UGT1A7: variants seen among roughly 807,000 people sequenced by gnomAD.
The protein encoded by UGT1A7 is UDP-glucuronosyltransferase 1A7.
In UGT1A7, 33 loss-of-function variants were observed where a neutral mutation model predicts 45.6. The observed-to-expected ratio is 0.72, with a 90% CI of 0.55 to 0.97. The LOEUF (loss-of-function observed/expected upper bound fraction) is 0.97, where lower values mean the gene tolerates loss of function less well. Among genes scored for constraint, UGT1A7 ranks in the 50% least tolerant of loss-of-function variants. The pLI, the probability that UGT1A7 is intolerant of heterozygous loss-of-function variation, is 0.00. For synonymous variants in UGT1A7, 274 were observed against 250.6 expected (o/e 1.09, Z -0.88); for missense variants, 684 against 666.2 (o/e 1.03, Z -0.29).
chr2:233,682,383 CT>C lies in UGT1A7; in HGVS notation c.450del (p.Phe150LeufsTer6), dbSNP rs1559339628. 6.2e-7 allele frequency: 1 copy of C among 1,613,858 alleles called. No homozygotes were observed. Among genetic ancestry groups the C allele is most frequent in the Non-Finnish European group, 8.5e-7 (1 of 1,179,888 alleles). On this transcript the variant is annotated frameshift_variant, in exon 1 of 5. Transcript: ENST00000373426. LOFTEE classifies it high-confidence loss of function. Reference sequence around the variant, plus strand: ...TGTTTTGATGCAGTGTTTCTCGATCCTTTTGATGCCTGTGGCTTAATTGTTG... The same window carrying C: ...TGTTTTGATGCAGTGTTTCTCGATCCTTTGATGCCTGTGGCTTAATTGTTG... ...ESCFDAVFLD[P>X]FDACGLIVAK... is the part of the protein sequence containing the mutation.
chr2:233,736,518 C>G (rs567664154), intron 1 of UGT1A7, among the ~76,000 whole-genome samples: 1 of 152,188 alleles, frequency 6.6e-6, no homozygotes, highest in Admixed American at 6.5e-5. Context: ...TCTGTCAACT[C>G]GTCAAAGTCA....
intron 1 of UGT1A7, among the ~76,000 whole-genome samples, chr2:233,683,754 T>C (rs955465237): frequency 2.6e-5 from 4 of 152,212 alleles, no homozygotes; most frequent in African/African-American, 9.6e-5. Context: ...GAATTCACTA[T>C]GCATAATTAA....
intron 1 of UGT1A7, among the ~76,000 whole-genome samples, chr2:233,710,292 TGTTGG>T (rs2076124594): frequency 6.6e-6 from 1 of 152,204 alleles, no homozygotes; most frequent in African/African-American, 2.4e-5. Context: ...AAAGTGGGAT[TGTTGG>T]GTTGCATGGT....
At chr2:233,727,339 C>T (rs2077606972) in intron 1 of UGT1A7, among the ~76,000 whole-genome samples, 2 of 152,160 alleles carry the variant, frequency 1.3e-5, no homozygotes, top group Admixed American at 6.5e-5. Flanking sequence ...TCCTCCCTCC[C>T]CATAGTTCTG....
At chr2:233,729,792 C>T (rs370250320) in intron 1 of UGT1A7, 17 of 1,613,864 alleles carry the variant, frequency 1.1e-5, no homozygotes, top group Non-Finnish European at 1.3e-5. Flanking sequence ...CCCTGTCCTA[C>T]ATTTGCCATG....
intron 1 of UGT1A7, chr2:233,690,406 A>G (rs1332144617): frequency 5.9e-6 from 7 of 1,193,304 alleles, no homozygotes; most frequent in Non-Finnish European, 7.7e-6. Flanking sequence ...TATTCCCAAC[A>G]TGAAATTACC....
At chr2:233,718,697 C>T (rs2125661774) in intron 1 of UGT1A7, 1 of 1,595,942 alleles carries the variant, frequency 6.3e-7, no homozygotes, top group Non-Finnish European at 8.5e-7. Flanking sequence ...GAGGAGGGCA[C>T]TTTGTCTTCC....
chr2:233,767,582 C>A (rs1315665394), intron 2 of UGT1A7, among the ~76,000 whole-genome samples: 1 of 152,138 alleles, frequency 6.6e-6, no homozygotes, highest in Non-Finnish European at 1.5e-5. Context: ...CAAACTTTCC[C>A]TTAAAGTGCA....
At chr2:233,758,427 T>A (rs1366242338) in intron 1 of UGT1A7, among the ~76,000 whole-genome samples, 1 of 152,228 alleles carries the variant, frequency 6.6e-6, no homozygotes, top group African/African-American at 2.4e-5. Flanking sequence ...GCAAATGAAC[T>A]CACACAGCAT....
intron 1 of UGT1A7, among the ~76,000 whole-genome samples, chr2:233,757,619 A>G (rs1437494515): frequency 1.3e-5 from 2 of 148,966 alleles, no homozygotes; most frequent in African/African-American, 2.5e-5. Flanking sequence ...CTGCTAAAAG[A>G]TACAAGGCAG....
intron 1 of UGT1A7, among the ~76,000 whole-genome samples, chr2:233,725,052 C>G (rs575446926): frequency 6.8e-6 from 1 of 147,562 alleles, no homozygotes; most frequent in Non-Finnish European, 1.5e-5. Flanking sequence ...TCAGGCGTGG[C>G]GGCGCGCGCC....
At chr2:233,737,942 T>G (rs866502344) in intron 1 of UGT1A7, among the ~76,000 whole-genome samples, 1 of 152,150 alleles carries the variant, frequency 6.6e-6, no homozygotes, top group Non-Finnish European at 1.5e-5. Flanking sequence ...GTCCATTGAC[T>G]GTTTCCCAAC....
chr2:233,709,943 C>T (rs908134043), intron 1 of UGT1A7, among the ~76,000 whole-genome samples: 1 of 152,174 alleles, frequency 6.6e-6, no homozygotes, highest in African/African-American at 2.4e-5. Flanking sequence ...TGGATGGTTT[C>T]TGTTGCTGGA....
At chr2:233,740,031 T>C (rs1041494414) in intron 1 of UGT1A7, among the ~76,000 whole-genome samples, 2 of 151,832 alleles carry the variant, frequency 1.3e-5, no homozygotes, top group African/African-American at 2.4e-5. Flanking sequence ...CTGATGGTTT[T>C]ATAAGGGACT....
intron 1 of UGT1A7, chr2:233,741,895 C>G (rs1371352009): frequency 6.6e-6 from 1 of 151,808 alleles, no homozygotes; most frequent in Non-Finnish European, 1.5e-5. Flanking sequence ...GAAGAAGGGA[C>G]CCTTTGTGAT....
chr2:233,683,351 C>G (rs1194537365), intron 1 of UGT1A7, among the ~76,000 whole-genome samples: 1 of 152,090 alleles, frequency 6.6e-6, no homozygotes, highest in South Asian at 2.1e-4. Flanking sequence ...GTAGTCTTTA[C>G]TTTGGATGCA....
intron 1 of UGT1A7, among the ~76,000 whole-genome samples, chr2:233,745,757 G>A (rs1464205566): frequency 6.7e-6 from 1 of 150,374 alleles, no homozygotes; most frequent in Admixed American, 6.6e-5. Flanking sequence ...AGCAGAAGGG[G>A]TGGAGAGGAG....
chr2:233,743,714 T>A (rs1337587224), intron 1 of UGT1A7: 1 of 1,367,242 alleles, frequency 7.3e-7, no homozygotes, highest in Non-Finnish European at 9.8e-7. Context: ...CGCCTCGCCA[T>A]AGCGGTCATA....
chr2:233,747,371 C>T (rs757857857), intron 1 of UGT1A7: 1 of 1,604,152 alleles, frequency 6.2e-7, no homozygotes, highest in East Asian at 2.2e-5. Flanking sequence ...AGCTCCATGC[C>T]AGAGGCCACC....
Sources: allele counts gnomAD v4.1 joint callset (sites outside exome capture counted in the v4.1 genomes callset), GRCh38; gene constraint gnomAD v4.1.1; transcripts MANE v1.5; gene names NCBI Gene and HGNC (gene_info 2026-07-23, HGNC 2026-07-21).